PAK3: variants seen among roughly 807,000 people sequenced by gnomAD.
The protein encoded by PAK3 is p21 (RAC1) activated kinase 3, also known as serine/threonine-protein kinase PAK 3.
PAK3 carries 4 observed loss-of-function variants against 41.0 expected under a neutral mutation model. The observed-to-expected ratio is 0.10, with a 90% CI of 0.05 to 0.22. PAK3 has a LOEUF of 0.22. PAK3 is among the 10% of genes least tolerant of loss of function. The pLI is 1.00. For synonymous variants in PAK3, 146 were observed against 139.6 expected (o/e 1.05, Z -0.32); for missense variants, 205 against 409.9 (o/e 0.50, Z 4.32).
At chrX:110,946,946 A>G (rs1208504778) in intron 1 of PAK3, among the ~76,000 whole-genome samples, 1 of 112,257 alleles carries the variant, frequency 8.9e-6, no homozygotes, top group Non-Finnish European at 1.9e-5. Context: ...TAGTTTTAAA[A>G]TGGATATATA....
chrX:111,188,217 C>A (rs947919254), intron 11 of PAK3, among the ~76,000 whole-genome samples: 1 of 108,837 alleles, frequency 9.2e-6, no homozygotes, highest in Non-Finnish European at 1.9e-5. Context: ...AAAAACAAAA[C>A]CCACGAATTT....
intron 1 of PAK3, among the ~76,000 whole-genome samples, chrX:110,947,868 C>A (rs1340826407): frequency 9.0e-6 from 1 of 111,575 alleles, no homozygotes; most frequent in African/African-American, 3.3e-5. Context: ...TCCTTCCCCC[C>A]TCTTTAAAAT....
intron 1 of PAK3, among the ~76,000 whole-genome samples, chrX:110,972,822 AT>A (rs2091240079): frequency 9.0e-6 from 1 of 111,531 alleles, no homozygotes; most frequent in South Asian, 3.8e-4. Flanking sequence ...TTGAAAAAAG[AT>A]TAGACGAATG....
intron 1 of PAK3, among the ~76,000 whole-genome samples, chrX:111,049,063 A>G (rs2092529668): frequency 9.0e-6 from 1 of 111,511 alleles, no homozygotes; most frequent in Non-Finnish European, 1.9e-5. Context: ...TTTTAGTCTT[A>G]CTGTCTTTCT....
At chrX:111,039,969 A>T (rs1312967776) in intron 1 of PAK3, among the ~76,000 whole-genome samples, 4 of 100,333 alleles carry the variant, frequency 4.0e-5, no homozygotes. Context: ...GAGTATTTTA[A>T]CCACTCTGGG....
chrX:111,135,395 G>A (rs1351925708), intron 5 of PAK3, among the ~76,000 whole-genome samples: 2 of 111,188 alleles, frequency 1.8e-5, no homozygotes, highest in Non-Finnish European at 3.8e-5. Flanking sequence ...CTAAATAGAG[G>A]TGTTCAATAG....
intron 16 of PAK3, among the ~76,000 whole-genome samples, chrX:111,208,642 G>A (rs908063008): frequency 1.8e-5 from 2 of 112,338 alleles, no homozygotes; most frequent in African/African-American, 6.5e-5. Context: ...TAGCCTAGGT[G>A]TGTAGTAGGC....
chrX:111,208,934 C>CGTGT (rs202080809), intron 16 of PAK3, among the ~76,000 whole-genome samples: 9,499 of 104,313 alleles, frequency 0.091, 1,100 homozygotes, highest in African/African-American at 0.31. Context: ...CGAGGAATGA[C>CGTGT]GTGTGTGTGT....
At chrX:111,007,320 A>G (rs1442680297) in intron 1 of PAK3, among the ~76,000 whole-genome samples, 1 of 111,399 alleles carries the variant, frequency 9.0e-6, no homozygotes, top group Non-Finnish European at 1.9e-5. Flanking sequence ...CAGAGCACCT[A>G]GCAGAATAAG....
intron 11 of PAK3, among the ~76,000 whole-genome samples, chrX:111,184,917 C>A (rs192687887): frequency 9.0e-6 from 1 of 111,533 alleles, no homozygotes. Flanking sequence ...ATATGCCCAG[C>A]AATGGGATTG....
chrX:111,039,334 A>G (rs936861827), intron 1 of PAK3, among the ~76,000 whole-genome samples: 3 of 112,244 alleles, frequency 2.7e-5, no homozygotes, highest in Admixed American at 9.4e-5. Flanking sequence ...TTGCTGACTT[A>G]CAGTCTCCTC....
chrX:111,171,054 C>T (rs762610437), intron 10 of PAK3, among the ~76,000 whole-genome samples: 1 of 110,550 alleles, frequency 9.0e-6, no homozygotes, highest in Non-Finnish European at 1.9e-5. Flanking sequence ...ATAGTATGGT[C>T]CCCCTTTTCC....
chrX:111,058,309 G>T (rs1455028868), intron 1 of PAK3, among the ~76,000 whole-genome samples: 1 of 111,412 alleles, frequency 9.0e-6, no homozygotes, highest in Non-Finnish European at 1.9e-5. Context: ...ACGTATGAGG[G>T]TTACAATTTC....
chrX:110,975,546 A>G (rs2091310507), intron 1 of PAK3, among the ~76,000 whole-genome samples: 1 of 112,146 alleles, frequency 8.9e-6, no homozygotes, highest in Non-Finnish European at 1.9e-5. Context: ...AAAGTAATTT[A>G]TAGATTCAAT....
intron 1 of PAK3, among the ~76,000 whole-genome samples, chrX:110,949,679 T>C (rs2090700649): frequency 1.8e-5 from 2 of 111,394 alleles, no homozygotes; most frequent in Non-Finnish European, 3.8e-5. Context: ...ATGAGCTTTG[T>C]GCCAAATAGA....
chrX:111,195,451 G>A (rs1048853262), intron 14 of PAK3, among the ~76,000 whole-genome samples: 3 of 111,811 alleles, frequency 2.7e-5, no homozygotes, highest in Non-Finnish European at 3.8e-5. Flanking sequence ...GCAGATTCCT[G>A]GGTTTCATGC....
chrX:111,112,921 A>G (rs1287630800), intron 4 of PAK3, among the ~76,000 whole-genome samples: 1 of 111,890 alleles, frequency 8.9e-6, no homozygotes, highest in African/African-American at 3.2e-5. Context: ...ATATGGATAC[A>G]GTTCTAAAAA....
chrX:111,223,662 G>A lies in PAK3; in HGVS notation c.*3215G>A, dbSNP rs1256867350. 1 of 110,877 alleles carries A rather than the reference G, an allele frequency of 9.0e-6. No homozygotes were observed. Among genetic ancestry groups the A allele is most frequent in the East Asian group, 2.8e-4 (1 of 3,562 alleles). The allele number at this position is 110,877 out of a possible 1,213,427, so 9.1% of individuals were successfully genotyped here. A position where few individuals can be genotyped will look rare whatever the true frequency, so the allele number is the denominator to read the frequency against. On this transcript the variant is annotated 3_prime_UTR_variant, in exon 18 of 18. Transcript: ENST00000372007. The stretch of plus-strand genomic sequence containing the variant: ...CCATTGCTAAAAGAAAAAGAAACAC[G>A]AAATTGCTTCCTGTTGTCTGTATAA...
intron 1 of PAK3, among the ~76,000 whole-genome samples, chrX:111,088,338 T>G (rs940631572): frequency 8.9e-6 from 1 of 111,995 alleles, no homozygotes; most frequent in African/African-American, 3.2e-5. Flanking sequence ...AACTATAAAA[T>G]AGTGAACCTG....
Sources: allele counts gnomAD v4.1 joint callset (sites outside exome capture counted in the v4.1 genomes callset), GRCh38; gene constraint gnomAD v4.1.1; transcripts MANE v1.5; gene names NCBI Gene and HGNC (gene_info 2026-07-23, HGNC 2026-07-21).